Variants in CSMD1 observed in about 807,000 individuals in gnomAD.
The protein encoded by CSMD1 is CUB and sushi domain-containing protein 1.
In CSMD1, 213 loss-of-function variants were observed where a neutral mutation model predicts 417.5. The observed-to-expected ratio is 0.51, with a 90% CI of 0.46 to 0.57. CSMD1 has a LOEUF of 0.57. Among genes scored for constraint, CSMD1 ranks in the 20% least tolerant of loss-of-function variants. The probability of loss-of-function intolerance (pLI) is 0.00; values close to 1 mark genes in which losing one functional copy is unlikely to be tolerated. For missense variants in CSMD1, 6,923 were observed against 4,529.7 expected (o/e 1.53, Z -15.17); for synonymous variants, 2,862 against 1,736.8 (o/e 1.65, Z -16.11).
chr8:3,915,694 T>A (rs1404697158), intron 5 of CSMD1, among the ~76,000 whole-genome samples: 3 of 151,376 alleles, frequency 2.0e-5, no homozygotes, highest in Non-Finnish European at 4.4e-5. Flanking sequence ...GAACTCTATC[T>A]CTGTTATAAT....
At chr8:4,336,321 G>C (rs948008794) in intron 3 of CSMD1, among the ~76,000 whole-genome samples, 2 of 152,098 alleles carry the variant, frequency 1.3e-5, no homozygotes, top group East Asian at 3.9e-4. Context: ...TCTGTAGAAA[G>C]GCACATTTTT....
chr8:3,513,726 G>C (rs889372958), intron 10 of CSMD1, among the ~76,000 whole-genome samples: 2 of 152,190 alleles, frequency 1.3e-5, no homozygotes, highest in Admixed American at 1.3e-4. Flanking sequence ...CTCATAGTCT[G>C]TGTGTTAGTT....
intron 3 of CSMD1, among the ~76,000 whole-genome samples, chr8:4,394,001 C>T (rs1034824062): frequency 6.6e-6 from 1 of 152,182 alleles, no homozygotes; most frequent in Non-Finnish European, 1.5e-5. Flanking sequence ...TAGAGCAACA[C>T]ATATATAGCA....
At position 4,124,029 on chromosome 8, in the gene CSMD1, T is replaced by TC. The variant is rs1200162264; in HGVS notation, c.416-91931dup. The stretch of plus-strand genomic sequence containing the variant: ...TAATGGATTATCTAACTTTTTTTTT[T>TC]CTACATTGCATTCCGGAACGACATT... On this transcript the variant is annotated intron_variant, in intron 3 of 69. Transcript: ENST00000635120. 2.6e-5 allele frequency among the ~76,000 whole-genome samples: 4 copies of TC among 152,194 alleles called. No homozygotes were observed. The East Asian group carries it at 7.7e-4, about 29-fold the overall frequency.
chr8:4,961,071 G>C (rs577819675), intron 1 of CSMD1, among the ~76,000 whole-genome samples: 1 of 152,214 alleles, frequency 6.6e-6, no homozygotes, highest in East Asian at 1.9e-4. Context: ...ACACTTTGGA[G>C]TAAAATTAAC....
rs545151251 is a variant in CSMD1, at chr8:3,962,756, G to A, written c.818+35147C>T. On this transcript the variant is annotated intron_variant, in intron 5 of 69. Transcript: ENST00000635120. ...GGACTCAAGGCTGGACACTCTCAGA[G>A]GCTGGCATCTATGTTTCCACAATAT... Among the ~76,000 whole-genome samples the A allele has an allele frequency of 1.8e-4, 28 of 152,228 alleles. 1 individual carries two copies. In the South Asian group the frequency reaches 5.2e-3, roughly 28 times the overall value.
chr8:3,229,136 G>C (rs1459665338), intron 27 of CSMD1, among the ~76,000 whole-genome samples: 1 of 151,870 alleles, frequency 6.6e-6, no homozygotes, highest in Non-Finnish European at 1.5e-5. Flanking sequence ...CTGTGTACAC[G>C]ACAATAAAAA....
intron 5 of CSMD1, among the ~76,000 whole-genome samples, chr8:3,920,846 C>A (rs759155174): frequency 6.6e-6 from 1 of 152,086 alleles, no homozygotes; most frequent in Non-Finnish European, 1.5e-5. Context: ...TGTATGATCC[C>A]TTTAATGTGC....
At chr8:4,431,940 A>C (rs1797892651) in intron 2 of CSMD1, among the ~76,000 whole-genome samples, 1 of 152,340 alleles carries the variant, frequency 6.6e-6, no homozygotes, top group Admixed American at 6.5e-5. Flanking sequence ...ACTTCAAATA[A>C]ACACAGTATT....
intron 5 of CSMD1, among the ~76,000 whole-genome samples, chr8:3,829,966 G>C (rs1243015036): frequency 6.6e-6 from 1 of 151,968 alleles, no homozygotes; most frequent in Admixed American, 6.6e-5. Context: ...TAAAAATTTT[G>C]CTCATATGTT....
intron 4 of CSMD1, among the ~76,000 whole-genome samples, chr8:4,004,538 T>C (rs911483386): frequency 9.9e-5 from 15 of 152,130 alleles, no homozygotes; most frequent in African/African-American, 3.4e-4. Context: ...AAAAATGAAG[T>C]AGTATTTTTA....
chr8:4,663,110 T>C (rs1247027835), intron 1 of CSMD1, among the ~76,000 whole-genome samples: 1 of 152,108 alleles, frequency 6.6e-6, no homozygotes, highest in African/African-American at 2.4e-5. Context: ...CCAGATCACG[T>C]GGGCTTAGGA....
intron 5 of CSMD1, among the ~76,000 whole-genome samples, chr8:3,781,323 T>G (rs934181405): frequency 2.0e-5 from 3 of 152,116 alleles, no homozygotes; most frequent in African/African-American, 7.2e-5. Context: ...TCTTTGTTCT[T>G]TTCATTCTTT....
intron 3 of CSMD1, among the ~76,000 whole-genome samples, chr8:4,088,846 C>G (rs943539066): frequency 6.6e-6 from 1 of 152,128 alleles, no homozygotes; most frequent in Non-Finnish European, 1.5e-5. Flanking sequence ...AATCACTAGT[C>G]TCCTGGTTTC....
At chr8:4,255,836 T>C (rs1803419751) in intron 3 of CSMD1, among the ~76,000 whole-genome samples, 1 of 152,220 alleles carries the variant, frequency 6.6e-6, no homozygotes, top group South Asian at 2.1e-4. Context: ...TGGCCTTGCC[T>C]ATCTTTTAAG....
chr8:4,564,909 C>G (rs747480738), intron 2 of CSMD1, among the ~76,000 whole-genome samples: 2 of 152,182 alleles, frequency 1.3e-5, no homozygotes, highest in Non-Finnish European at 2.9e-5. Flanking sequence ...ACCCATTTCT[C>G]TATGATATAG....
chr8:4,824,670 A>C (rs1420815592), intron 1 of CSMD1, among the ~76,000 whole-genome samples: 2 of 152,152 alleles, frequency 1.3e-5, no homozygotes, highest in African/African-American at 2.4e-5. Context: ...CGAAAGTGAC[A>C]ATTTTTGCGT....
intron 2 of CSMD1, among the ~76,000 whole-genome samples, chr8:4,461,074 T>TGTATAGCTGGGGCC (rs2129945257): frequency 6.6e-6 from 1 of 150,768 alleles, no homozygotes; most frequent in African/African-American, 2.5e-5. Flanking sequence ...GTCCAAGTGC[T>TGTATAGCTGGGGCC]ATTTATCTCA....
At chr8:3,822,755 C>T (rs566396977) in intron 5 of CSMD1, among the ~76,000 whole-genome samples, 1 of 152,094 alleles carries the variant, frequency 6.6e-6, no homozygotes, top group African/African-American at 2.4e-5. Context: ...AGTGGAAATA[C>T]AGGTTTGTTG....
Sources: gnomAD v4.1 joint callset for allele counts (sites outside exome capture counted in the v4.1 genomes callset) on GRCh38, gnomAD v4.1.1 for gene constraint, MANE v1.5 for transcripts, NCBI Gene and HGNC (gene_info 2026-07-23, HGNC 2026-07-21) for gene names.